The following PDLIM1 variants were observed in gnomAD, a reference collection of about 807,000 sequenced individuals.
PDLIM1 encodes PDZ and LIM domain protein 1.
A neutral mutation model predicts 35.2 loss-of-function variants in PDLIM1; 25 were observed. The ratio of observed to expected loss-of-function variants is 0.71; its 90% CI spans 0.52 to 0.99. PDLIM1 has a LOEUF of 0.99. Ranked by LOEUF, PDLIM1 falls within the 50% of genes least tolerant of loss-of-function variation. The pLI is 0.00. For synonymous variants in PDLIM1, 152 were observed against 154.0 expected (o/e 0.99, Z 0.10); for missense variants, 363 against 415.3 (o/e 0.87, Z 1.09).
chr10:95,272,705 T>A (rs2035476213), intron 1 of PDLIM1, among the ~76,000 whole-genome samples: 1 of 151,848 alleles, frequency 6.6e-6, no homozygotes, highest in Non-Finnish European at 1.5e-5. Context: ...TAAAAAAAAA[T>A]TGTTAAAAGC....
chr10:95,271,484 C>A, intron 2 of PDLIM1, 149 bp downstream of exon 2: 6 of 496,888 alleles, frequency 1.2e-5, no homozygotes, highest in Non-Finnish European at 1.0e-5. Context: ...ATCTGAAGTT[C>A]AAATTCCACA....
intron 1 of PDLIM1, among the ~76,000 whole-genome samples, chr10:95,278,452 G>C (rs116392522): frequency 2.8e-4 from 43 of 152,128 alleles, no homozygotes; most frequent in Non-Finnish European, 5.7e-4. Flanking sequence ...CAGTCTCCTG[G>C]GGGGAGACAA....
At chr10:95,255,936 C>CACA (rs1395550356) in intron 4 of PDLIM1, among the ~76,000 whole-genome samples, 1 of 151,076 alleles carries the variant, frequency 6.6e-6, no homozygotes, top group African/African-American at 2.4e-5. Flanking sequence ...CACACACACA[C>CACA]AATTGGAACT....
intron 1 of PDLIM1, among the ~76,000 whole-genome samples, chr10:95,287,881 T>C (rs2035616194): frequency 6.6e-6 from 1 of 150,954 alleles, no homozygotes; most frequent in East Asian, 1.9e-4. Context: ...ATAACGATAC[T>C]AGATGAAAAC....
At chr10:95,269,686 T>C (rs1276895236) in intron 2 of PDLIM1, among the ~76,000 whole-genome samples, 1 of 152,152 alleles carries the variant, frequency 6.6e-6, no homozygotes, top group African/African-American at 2.4e-5. Flanking sequence ...AGTGTCGTTG[T>C]TTCCTCTCTT....
chr10:95,242,931 A>G (rs970939215), intron 5 of PDLIM1, among the ~76,000 whole-genome samples: 3 of 152,154 alleles, frequency 2.0e-5, no homozygotes, highest in African/African-American at 7.2e-5. Context: ...GCTGAGAACC[A>G]GCTCAATGAG....
chr10:95,252,282 T>C (rs762285794), intron 4 of PDLIM1, among the ~76,000 whole-genome samples: 15 of 152,100 alleles, frequency 9.9e-5, no homozygotes, highest in Non-Finnish European at 2.1e-4. Context: ...GTGGAAGCCA[T>C]ATGGGGAGCC....
At chr10:95,257,038 G>GAAAGAAAGAAAGAAAAAAAT (rs1440640324) in intron 4 of PDLIM1, among the ~76,000 whole-genome samples, 2,331 of 129,450 alleles carry the variant, frequency 0.018, 71 homozygotes, top group South Asian at 0.04. Flanking sequence ...AAGAAAGAAA[G>GAAAGAAAGAAAGAAAAAAAT]AATTCAAAAT....
At chr10:95,289,490 G>A (rs529989418) in intron 1 of PDLIM1, among the ~76,000 whole-genome samples, 17 of 152,152 alleles carry the variant, frequency 1.1e-4, no homozygotes, top group Admixed American at 5.2e-4. Flanking sequence ...ACTCTTTTAG[G>A]GGGGTGAGAT....
chr10:95,274,784 C>G (rs2035497360), intron 1 of PDLIM1, among the ~76,000 whole-genome samples: 2 of 152,182 alleles, frequency 1.3e-5, no homozygotes, highest in African/African-American at 4.8e-5. Flanking sequence ...AAAATTATGA[C>G]AGTTAAAGAT....
At chr10:95,248,711 A>C (rs138058156) in intron 4 of PDLIM1, among the ~76,000 whole-genome samples, 1 of 152,304 alleles carries the variant, frequency 6.6e-6, no homozygotes, top group African/African-American at 2.4e-5. Context: ...TCCCTCACAT[A>C]TGTGACCCAA....
intron 2 of PDLIM1, among the ~76,000 whole-genome samples, 174 bp downstream of exon 2, chr10:95,271,459 G>C (rs1314650135): frequency 6.7e-6 from 1 of 149,020 alleles, no homozygotes; most frequent in Non-Finnish European, 1.5e-5. Context: ...AAAAAAAATA[G>C]AGGGGAAATA....
chr10:95,259,114 A>C (rs550943165), intron 4 of PDLIM1, among the ~76,000 whole-genome samples: 15 of 152,320 alleles, frequency 9.8e-5, no homozygotes, highest in African/African-American at 2.6e-4. Context: ...GGAAATGTTC[A>C]GTATCTTGAG....
At chr10:95,262,167 GTGTT>G (rs2035369869) in intron 4 of PDLIM1, among the ~76,000 whole-genome samples, 1 of 152,182 alleles carries the variant, frequency 6.6e-6, no homozygotes, top group South Asian at 2.1e-4. Context: ...CCCTTGAGAG[GTGTT>G]GCTACAACAG....
chr10:95,269,677 G>C (rs1463067316), intron 2 of PDLIM1, among the ~76,000 whole-genome samples: 2 of 151,728 alleles, frequency 1.3e-5, no homozygotes, highest in Non-Finnish European at 2.9e-5. Flanking sequence ...GTTTTCATTA[G>C]TGTCGTTGTT....
At chr10:95,285,086 C>T (rs1200755072) in intron 1 of PDLIM1, among the ~76,000 whole-genome samples, 1 of 152,236 alleles carries the variant, frequency 6.6e-6, no homozygotes, top group Non-Finnish European at 1.5e-5. Flanking sequence ...CCCAAATGCC[C>T]TCCTATCCCC....
rs191490003 is a variant in PDLIM1 at position 95,249,680 on chromosome 10, C to T, written c.534-2314G>A. Among the ~76,000 whole-genome samples the T allele has an allele frequency of 3.3e-5, 5 of 152,336 alleles. No individual in the cohort carries two copies. The East Asian group carries it at 7.7e-4, about 24-fold the overall frequency. ...TCTCCCTCTCTTCCTCTCCTTTCTT[C>T]CTTTCTCTTTTCTGAGACAACCTCT... On this transcript the variant is annotated intron_variant, in intron 4 of 6. Transcript: ENST00000329399.
At chr10:95,267,702 C>G (rs1347106490) in intron 3 of PDLIM1, among the ~76,000 whole-genome samples, 1 of 152,178 alleles carries the variant, frequency 6.6e-6, no homozygotes, top group Non-Finnish European at 1.5e-5. Flanking sequence ...TTAACACACA[C>G]TAATATACCA....
intron 5 of PDLIM1, 150 bp downstream of exon 5, chr10:95,247,065 C>G: frequency 1.4e-6 from 1 of 694,910 alleles, no homozygotes; most frequent in Admixed American, 2.5e-5. Flanking sequence ...CTCTCTCTCT[C>G]CCTCTATCTC....
Sources: allele counts gnomAD v4.1 joint callset (sites outside exome capture counted in the v4.1 genomes callset), GRCh38; gene constraint gnomAD v4.1.1; transcripts MANE v1.5; gene names NCBI Gene and HGNC (gene_info 2026-07-23, HGNC 2026-07-21).